MRTFA: variants seen among roughly 807,000 people sequenced by gnomAD.
MRTFA encodes myocardin-related transcription factor A.
Under a neutral mutation model 83.5 loss-of-function variants are expected in MRTFA, and 20 were observed. The ratio of observed to expected loss-of-function variants is 0.24; its 90% CI spans 0.17 to 0.35. The LOEUF (loss-of-function observed/expected upper bound fraction) is 0.35, where lower values mean the gene tolerates loss of function less well. Ranked by LOEUF, MRTFA falls within the 10% of genes least tolerant of loss-of-function variation. The pLI, the probability that MRTFA is intolerant of heterozygous loss-of-function variation, is 1.00. For synonymous variants in MRTFA, 659 were observed against 541.2 expected, an observed-to-expected ratio of 1.22 and a Z score of -3.02; for missense variants, 1,200 against 1,224.7, an observed-to-expected ratio of 0.98 and a Z score of 0.30.
At position 40,509,981 on chromosome 22, in the gene MRTFA, T is replaced by TAAA. The variant is rs1569304003; in HGVS notation, c.241+42124_241+42125insTTT. Among the ~76,000 whole-genome samples, 58 of 34,754 alleles carry TAAA rather than the reference T, an allele frequency of 1.7e-3. 1 individual carries two copies. The highest frequency in any genetic ancestry group is 0.013 in the Admixed American group (31 of 2,442). The allele number at this position is 34,754 out of a possible 152,430, so 22.8% of individuals were successfully genotyped here. A position where few individuals can be genotyped will look rare whatever the true frequency, so the allele number is the denominator to read the frequency against. On this transcript the variant is annotated intron_variant, in intron 3 of 14. Coordinates refer to ENST00000355630, the MANE Select transcript of MRTFA (RefSeq NM_020831.6). ...AATCAAGAAACAGCAGCCAAGTACT[T>TAAA]TAAAAAAAAAAAAAAAGTGAAGTTA...
Position 40,410,779 on chromosome 22 carries a change from C to G in MRTFA, c.*611G>C, listed in dbSNP as rs765960309. ...GGAGTTGCACCCATCTCCTGTCCGCCCCCCCCCAAAAATATATATGTATGT... is the reference window on the plus strand; with the variant it reads ...GGAGTTGCACCCATCTCCTGTCCGCGCCCCCCCAAAAATATATATGTATGT... On this transcript the variant is annotated 3_prime_UTR_variant, in exon 15 of 15. Coordinates refer to ENST00000355630, the MANE Select transcript of MRTFA (RefSeq NM_020831.6). 4 of 232,058 alleles carry G rather than the reference C, an allele frequency of 1.7e-5. No individual in the cohort carries two copies. The highest frequency in any genetic ancestry group is 5.7e-5 in the Admixed American group (1 of 17,698). 14.4% of individuals were successfully genotyped at this position (232,058 alleles called of 1,614,324 possible).
chr22:40,538,340 G>A (rs1267986625), intron 3 of MRTFA, among the ~76,000 whole-genome samples: 1 of 144,080 alleles, frequency 6.9e-6, no homozygotes, highest in African/African-American at 2.6e-5. Context: ...GGTGCAAGAT[G>A]TGCTTTGTTA....
At chr22:40,588,319 G>C (rs545972323) in intron 2 of MRTFA, among the ~76,000 whole-genome samples, 2 of 152,042 alleles carry the variant, frequency 1.3e-5, no homozygotes, top group Non-Finnish European at 2.9e-5. Flanking sequence ...GAGCCACCGC[G>C]CCCAGCCTCA....
At chr22:40,553,747 C>T (rs908559508) in intron 2 of MRTFA, among the ~76,000 whole-genome samples, 1 of 152,114 alleles carries the variant, frequency 6.6e-6, no homozygotes, top group Non-Finnish European at 1.5e-5. Flanking sequence ...TGGAGCACTG[C>T]CTAGTAGAGC....
chr22:40,614,411 CAAAA>C (rs373173040), intron 1 of MRTFA, among the ~76,000 whole-genome samples: 1 of 108,596 alleles, frequency 9.2e-6, no homozygotes, highest in Non-Finnish European at 2.0e-5. Context: ...ACCCTGTCTC[CAAAA>C]AAAAAAAAAA....
chr22:40,427,538 G>C (rs768944416), intron 7 of MRTFA, among the ~76,000 whole-genome samples: 3 of 152,184 alleles, frequency 2.0e-5, no homozygotes, highest in Admixed American at 2.0e-4. Context: ...GGCAGGTGCT[G>C]TCTTGTCAGG....
intron 3 of MRTFA, among the ~76,000 whole-genome samples, chr22:40,535,165 C>A (rs2055146291): frequency 6.6e-6 from 1 of 151,996 alleles, no homozygotes; most frequent in African/African-American, 2.4e-5. Flanking sequence ...CTCACTGGCC[C>A]CTTCTGGCAA....
intron 4 of MRTFA, among the ~76,000 whole-genome samples, chr22:40,446,034 A>G (rs758449911): frequency 3.2e-4 from 49 of 152,364 alleles, no homozygotes; most frequent in Admixed American, 5.2e-4. Context: ...CATTTTTGGC[A>G]AGAAGAAAAC....
Position 40,418,833 on chromosome 22 carries a change from C to T in MRTFA, c.1905G>A (p.Glu635=). ...TCTGCCGGAGCATGCGCGTCAGCGC[C>T]TCGATCTGCTTGTCTTTCTCCTGCA... Residue 635 remains glutamate, a synonymous_variant, in exon 12 of 15, where the codon GAG becomes GAA. Coordinates refer to ENST00000355630, the MANE Select transcript of MRTFA (RefSeq NM_020831.6). 1.2e-6 allele frequency: 2 copies of T among 1,611,698 alleles called. No homozygotes were observed. Among genetic ancestry groups the T allele is most frequent in the Non-Finnish European group, 1.7e-6 (2 of 1,179,788 alleles).
At chr22:40,536,318 G>A (rs1229537450) in intron 3 of MRTFA, among the ~76,000 whole-genome samples, 2 of 150,944 alleles carry the variant, frequency 1.3e-5, no homozygotes, top group Non-Finnish European at 3.0e-5. Flanking sequence ...ATAAATAAAT[G>A]GGCCGAAGCC....
chr22:40,471,747 C>T (rs1707662597), intron 3 of MRTFA, among the ~76,000 whole-genome samples: 1 of 152,118 alleles, frequency 6.6e-6, no homozygotes, highest in Non-Finnish European at 1.5e-5. Context: ...TGGCAAGTGC[C>T]TGTTGTCCAA....
chr22:40,479,959 A>G (rs549884656), intron 3 of MRTFA, among the ~76,000 whole-genome samples: 11 of 152,306 alleles, frequency 7.2e-5, no homozygotes, highest in Non-Finnish European at 1.5e-4. Context: ...TAACTTTCAA[A>G]GAATAAGCTT....
At chr22:40,538,984 C>CGT (rs2147290829) in intron 3 of MRTFA, among the ~76,000 whole-genome samples, 1 of 142,562 alleles carries the variant, frequency 7.0e-6, no homozygotes, top group East Asian at 2.0e-4. Context: ...GGATACACAG[C>CGT]CTTTTGTTTT....
rs769098647 is a variant in MRTFA, at chr22:40,411,702, G to A, written c.2784C>T (p.Thr928=). ...GGGGCTCTGGCCCGTCATGCCCACT[G>A]GTCAGCAGGGGCAGCCCCGTGCTGC... Residue 928 remains threonine (T), a synonymous_variant, in exon 15 of 15, where the codon ACC becomes ACT. Transcript: ENST00000355630. 23 of 1,587,694 alleles carry A rather than the reference G, an allele frequency of 1.4e-5. No individual in the cohort carries two copies. Among genetic ancestry groups the A allele is most frequent in the Non-Finnish European group, 1.9e-5 (22 of 1,163,522 alleles).
Position 40,420,966 on chromosome 22 carries a change from G to T in MRTFA, c.1062C>A (p.Pro354=), listed in dbSNP as rs755941919. ...GGATCTTGGCGTAGGATGAGTCCAT[G>T]GGGGGTGCCCCCCTGTCCTGCTTCT... Residue 354 remains proline (P), a synonymous_variant, in exon 10 of 15, where the codon CCC becomes CCA. Coordinates refer to ENST00000355630, the MANE Select transcript of MRTFA (RefSeq NM_020831.6). The T allele has an allele frequency of 9.3e-6, 15 of 1,612,784 alleles. No homozygotes were observed. The highest frequency in any genetic ancestry group is 8.5e-7 in the Non-Finnish European group (1 of 1,179,190).
chr22:40,502,139 C>T (rs1258172918), intron 3 of MRTFA, among the ~76,000 whole-genome samples: 5 of 136,840 alleles, frequency 3.7e-5, no homozygotes, highest in Admixed American at 7.1e-5. Context: ...CCGGACGGGG[C>T]GGCTGGCCGG....
chr22:40,418,893 C>T lies in MRTFA; in HGVS notation c.1845G>A (p.Arg615=), dbSNP rs1013933087. 3.1e-6 allele frequency: 5 copies of T among 1,612,556 alleles called. No individual in the cohort carries two copies. Among genetic ancestry groups the T allele is most frequent in the Non-Finnish European group, 3.4e-6 (4 of 1,179,874 alleles). ...CCTTGTCGCGCCCCTCTAGCTCCGC[C>T]CGCCCCCCAGGGCTCAGGCAACAGG... The change falls in exon 12 of 15, where the codon CGG becomes CGA. Residue 615 remains arginine, a synonymous_variant. Transcript: ENST00000355630.
chr22:40,463,297 G>C lies in MRTFA; in HGVS notation c.242-11C>G. ...GTTTCAACTGTAGCACTGCAGGGCA[G>C]CAGAGAGAGAGGAGAGATGAGGGGT... On this transcript the variant is annotated splice_polypyrimidine_tract_variant and intron_variant, in intron 3 of 14. Coordinates refer to ENST00000355630, the MANE Select transcript of MRTFA (RefSeq NM_020831.6). 6.2e-7 allele frequency: 1 copy of C among 1,613,226 alleles called. No individual in the cohort carries two copies. Among genetic ancestry groups the C allele is most frequent in the African/African-American group, 1.3e-5 (1 of 74,994 alleles).
At chr22:40,480,895 T>C (rs1432999822) in intron 3 of MRTFA, among the ~76,000 whole-genome samples, 3 of 151,882 alleles carry the variant, frequency 2.0e-5, no homozygotes, top group Non-Finnish European at 2.9e-5. Flanking sequence ...ATTACAGGCA[T>C]GAGCCAACAT....
Sources: allele counts gnomAD v4.1 joint callset (sites outside exome capture counted in the v4.1 genomes callset), GRCh38; gene constraint gnomAD v4.1.1; transcripts MANE v1.5; gene names NCBI Gene and HGNC (gene_info 2026-07-23, HGNC 2026-07-21).